Variants in DLG5 observed in about 807,000 individuals in gnomAD.
DLG5 encodes the protein disks large homolog 5.
DLG5 carries 48 observed loss-of-function variants against 189.8 expected under a neutral mutation model. That is an observed-to-expected ratio of 0.25 (90% CI 0.20 to 0.32). The LOEUF is 0.32. Ranked by LOEUF, DLG5 falls within the 10% of genes least tolerant of loss-of-function variation. The probability of loss-of-function intolerance (pLI) is 1.00; values close to 1 mark genes in which losing one functional copy is unlikely to be tolerated. For synonymous variants in DLG5, 1,016 were observed against 1,054.1 expected (o/e 0.96, Z 0.70); for missense variants, 2,160 against 2,544.7 (o/e 0.85, Z 3.25).
intron 9 of DLG5, among the ~76,000 whole-genome samples, chr10:77,832,167 C>T (rs1373948143): frequency 6.6e-6 from 1 of 152,130 alleles, no homozygotes; most frequent in Non-Finnish European, 1.5e-5. Flanking sequence ...AAGACTATAC[C>T]ACTGCACTCT....
chr10:77,903,077 G>A (rs977776778), intron 1 of DLG5, among the ~76,000 whole-genome samples: 3 of 152,194 alleles, frequency 2.0e-5, no homozygotes, highest in Non-Finnish European at 4.4e-5. Context: ...CATTCTGATG[G>A]TTCAATGTAC....
At chr10:77,892,870 G>A (rs554958890) in intron 1 of DLG5, among the ~76,000 whole-genome samples, 1 of 152,338 alleles carries the variant, frequency 6.6e-6, no homozygotes, top group South Asian at 2.1e-4. Context: ...AACAACCAGA[G>A]AGGCGGCCAC....
intron 1 of DLG5, among the ~76,000 whole-genome samples, chr10:77,883,811 C>G (rs1408938753): frequency 6.7e-6 from 1 of 148,650 alleles, no homozygotes; most frequent in Non-Finnish European, 1.5e-5. Flanking sequence ...ATTCTCCTGA[C>G]TCAGCCTCCC....
chr10:77,794,003 C>G lies in DLG5; in HGVS notation c.5656+5G>C. On this transcript the variant is annotated splice_donor_5th_base_variant and intron_variant, in intron 31 of 31. Coordinates refer to ENST00000372391, the MANE Select transcript of DLG5 (RefSeq NM_004747.4). ...GCTCCCCACTCCAGGCCCACGCACA[C>G]CTACCTGTGAAGTACCTGCTGTACT... The G allele has an allele frequency of 6.2e-7, 1 of 1,613,574 alleles. No homozygotes were observed. Among genetic ancestry groups the G allele is most frequent in the Non-Finnish European group, 8.5e-7 (1 of 1,179,612 alleles).
intron 13 of DLG5, among the ~76,000 whole-genome samples, chr10:77,825,374 C>CCACACACACACACA (rs59102694): frequency 0.039 from 5,101 of 130,772 alleles, 190 homozygotes; most frequent in Admixed American, 0.075. Context: ...CCACACACAA[C>CCACACACACACACA]CACACACACA....
intron 6 of DLG5, 104 bp from the exon 7 acceptor site, chr10:77,842,297 G>A (rs1843462343): frequency 2.2e-6 from 3 of 1,388,174 alleles, no homozygotes; most frequent in African/African-American, 2.9e-5. Context: ...GGACAGTCAA[G>A]CGTGAAGTTT....
chr10:77,828,085 TA>T (rs11437784), intron 13 of DLG5, among the ~76,000 whole-genome samples: 14 of 150,950 alleles, frequency 9.3e-5, no homozygotes, highest in African/African-American at 1.7e-4. Context: ...TACATTTAGT[TA>T]AAAAAAAAGG....
At chr10:77,932,183 C>G in the DLG5 span, among the ~76,000 whole-genome samples, 1 of 152,200 alleles carries the variant, frequency 6.6e-6, no homozygotes, top group Non-Finnish European at 1.5e-5. Context: ...TTTGGCTTCC[C>G]TCTGCGAGGA....
In DLG5 at chr10:77,926,274, G is replaced by T; in HGVS notation, c.247C>A (p.Leu83Met). The change falls in exon 1 of 32, where the codon CTG (leucine) becomes ATG (methionine). Residue 83 changes from leucine (L) to methionine (M), a missense_variant. By Grantham distance (15) the Leu-to-Met change is conservative (BLOSUM62 2). Coordinates refer to ENST00000372391, the MANE Select transcript of DLG5 (RefSeq NM_004747.4). The surrounding 1 kb of genome is among the most constrained non-coding windows in gnomAD (Gnocchi z 5.2). Reference protein sequence around the residue: ...AALEKTQPHLLPILYLNGVVG... With the variant: ...AALEKTQPHLMPILYLNGVVG... Reference sequence around the variant, plus strand: ...ACGCCGTTCAGGTAGAGAATGGGCAGCAGGTGAGGCTGCGTCTTCTCCAGC... The same window carrying T: ...ACGCCGTTCAGGTAGAGAATGGGCATCAGGTGAGGCTGCGTCTTCTCCAGC... 4 of 1,582,698 alleles carry T rather than the reference G, an allele frequency of 2.5e-6. No individual in the cohort carries two copies. The highest frequency in any genetic ancestry group is 3.4e-6 in the Non-Finnish European group (4 of 1,166,646).
At chr10:77,869,014 C>T in intron 2 of DLG5, 115 bp downstream of exon 2, 1 of 816,068 alleles carries the variant, frequency 1.2e-6, no homozygotes, top group African/African-American at 1.7e-5. Flanking sequence ...GAAGGATGAT[C>T]CTGTGAGTAA....
intron 2 of DLG5, among the ~76,000 whole-genome samples, chr10:77,866,175 G>A (rs1844674608): frequency 6.6e-6 from 1 of 152,154 alleles, no homozygotes; most frequent in Non-Finnish European, 1.5e-5. Context: ...AGGTGCTAGA[G>A]TGCTCCCAGC....
intron 2 of DLG5, 94 bp from the exon 3 acceptor site, chr10:77,856,986 C>T (rs952105851): frequency 4.8e-6 from 6 of 1,249,952 alleles, no homozygotes; most frequent in African/African-American, 4.5e-5. Flanking sequence ...GTTAGCTATT[C>T]GTGACCCAAC....
intron 1 of DLG5, among the ~76,000 whole-genome samples, chr10:77,882,302 C>T (rs1028286278): frequency 2.0e-5 from 3 of 152,182 alleles, no homozygotes; most frequent in Non-Finnish European, 2.9e-5. Flanking sequence ...TTCTGAGCCT[C>T]GGTGTCATTT....
chr10:77,926,121 A>T lies in DLG5; in HGVS notation c.304+96T>A. 1 of 1,233,162 alleles carries T rather than the reference A, an allele frequency of 8.1e-7. No individual in the cohort carries two copies. Among genetic ancestry groups the T allele is most frequent in the Non-Finnish European group, 1.0e-6 (1 of 962,174 alleles). 76.4% of individuals were successfully genotyped at this position (1,233,162 alleles called of 1,614,324 possible). The stretch of plus-strand genomic sequence containing the variant: ...GAGCGAGTCCACCGAGGCCATCGCC[A>T]GGTGGAGCGGCGGCCCCGGCGAGGT... On this transcript the variant is annotated intron_variant, in intron 1 of 31. Transcript: ENST00000372391. The surrounding 1 kb of genome is among the most constrained non-coding windows in gnomAD (Gnocchi z 5.2).
In DLG5 at chr10:77,808,484, C is replaced by A. The variant is rs138992067; in HGVS notation, c.4648-540G>T. On this transcript the variant is annotated intron_variant, in intron 24 of 31. Transcript: ENST00000372391. ...ACAGGGTCTCACTATGTTGCCCAGGCCGGTCTTGAACTCTTGGGCTCAACT... is the reference window on the plus strand; with the variant it reads ...ACAGGGTCTCACTATGTTGCCCAGGACGGTCTTGAACTCTTGGGCTCAACT... Among the ~76,000 whole-genome samples, 300 of 152,302 alleles carry A rather than the reference C, an allele frequency of 2.0e-3. 2 individuals are homozygous for A. Among genetic ancestry groups the A allele is most frequent in the African/African-American group, 6.9e-3 (287 of 41,572 alleles).
chr10:77,831,775 A>G (rs79655994), intron 9 of DLG5, among the ~76,000 whole-genome samples: 5,287 of 152,360 alleles, frequency 0.035, 306 homozygotes, highest in African/African-American at 0.12. Flanking sequence ...AACCTCGGAT[A>G]AAAGTTAACG....
chr10:77,930,258 T>G (rs2131896196), upstream of DLG5, among the ~76,000 whole-genome samples: 1 of 152,236 alleles, frequency 6.6e-6, no homozygotes, highest in Non-Finnish European at 1.5e-5. Context: ...CATTGGGACC[T>G]CCACATCTCA....
intron 15 of DLG5, chr10:77,820,791 A>G (rs902785342): frequency 2.5e-5 from 11 of 438,312 alleles, no homozygotes; most frequent in African/African-American, 2.0e-4. Context: ...AGGCAAGTCT[A>G]TGCCCTAGGT....
rs562634382 is a variant in DLG5 at position 77,828,939 on chromosome 10, C to G, written c.2232G>C (p.Leu744=). The change falls in exon 13 of 32, where the codon CTG becomes CTC. Residue 744 remains leucine, a synonymous_variant. Transcript: ENST00000372391. ...LENGVYAAAV[L]PGSPAAKEGS... ...CTTCTTTAGCGGCAGGGCTTCCAGGCAGCACAGCGGCAGCATACACTCCAT... is the reference window on the plus strand; with the variant it reads ...CTTCTTTAGCGGCAGGGCTTCCAGGGAGCACAGCGGCAGCATACACTCCAT... 6.2e-7 allele frequency: 1 copy of G among 1,614,168 alleles called. No homozygotes were observed. The highest frequency in any genetic ancestry group is 1.1e-5 in the South Asian group (1 of 91,084).
Sources: gnomAD v4.1 joint callset for allele counts (sites outside exome capture counted in the v4.1 genomes callset) on GRCh38, gnomAD v4.1.1 for gene constraint, Gnocchi (gnomAD v3.1) non-coding constraint, MANE v1.5 for transcripts, NCBI Gene and HGNC (gene_info 2026-07-23, HGNC 2026-07-21) for gene names.